The following ZNF251 variants were observed in gnomAD, a reference collection of about 807,000 sequenced individuals.
ZNF251 encodes the protein zinc finger protein 251.
A neutral mutation model predicts 13.5 loss-of-function variants in ZNF251; 14 were observed. The observed-to-expected ratio is 1.04, with a 90% CI of 0.69 to 1.63. The LOEUF (loss-of-function observed/expected upper bound fraction) is 1.63. ZNF251 is among the 40% of genes most tolerant of loss of function. The probability of loss-of-function intolerance (pLI) is 0.00; values close to 1 mark genes in which losing one functional copy is unlikely to be tolerated. For synonymous variants in ZNF251, 287 were observed against 295.2 expected (o/e 0.97, Z 0.28); for missense variants, 764 against 834.9 (o/e 0.92, Z 1.05).
intron 4 of ZNF251, among the ~76,000 whole-genome samples, chr8:144,724,540 T>C (rs1823464817): frequency 6.6e-6 from 1 of 152,054 alleles, no homozygotes; most frequent in Non-Finnish European, 1.5e-5. Flanking sequence ...AGCCAAAAAA[T>C]TGATATCTCA....
intron 2 of ZNF251, 143 bp downstream of exon 2, chr8:144,754,553 C>T (rs1824864279): frequency 1.4e-6 from 2 of 1,451,972 alleles, no homozygotes; most frequent in Admixed American, 5.7e-5. Flanking sequence ...GGCGAGTCTA[C>T]CTCTCAGAAC....
chr8:144,730,590 C>T (rs531326976), intron 4 of ZNF251, among the ~76,000 whole-genome samples: 13 of 152,068 alleles, frequency 8.5e-5, no homozygotes, highest in Non-Finnish European at 1.5e-4. Context: ...TGTGACGCTG[C>T]GACGGGGCGT....
At chr8:144,725,386 G>C (rs1478275733) in intron 4 of ZNF251, among the ~76,000 whole-genome samples, 5 of 151,820 alleles carry the variant, frequency 3.3e-5, no homozygotes, top group Non-Finnish European at 7.4e-5. Flanking sequence ...GAACTCTTGG[G>C]ATCAAGTGCT....
chr8:144,738,967 C>G (rs111831519), intron 4 of ZNF251, among the ~76,000 whole-genome samples: 4,886 of 152,194 alleles, frequency 0.032, 259 homozygotes, highest in African/African-American at 0.11. Context: ...GAGATGCACA[C>G]AGCAGCCCTC....
In ZNF251 at chr8:144,734,109, C is replaced by T. The variant is rs1823808101; in HGVS notation, c.278-10727G>A. ...TTCCGAAATCCTGACCCAGGAGGCG[C>T]CCACTCAGACCACAGTCCCTCTGTT... On this transcript the variant is annotated intron_variant, in intron 4 of 4. Transcript: ENST00000292562. This position sits in a 1 kb window ranked among gnomAD's most constrained non-coding sequence, Gnocchi z 4.4. Among the ~76,000 whole-genome samples the T allele has an allele frequency of 6.6e-6, 1 of 152,196 alleles. No individual in the cohort carries two copies. Among genetic ancestry groups the T allele is most frequent in the African/African-American group, 2.4e-5 (1 of 41,448 alleles).
chr8:144,732,768 CA>C (rs1429341245), intron 4 of ZNF251, among the ~76,000 whole-genome samples: 1 of 145,378 alleles, frequency 6.9e-6, no homozygotes, highest in Non-Finnish European at 1.5e-5. Flanking sequence ...GCCAAGATCG[CA>C]CCACTGCACT....
intron 4 of ZNF251, among the ~76,000 whole-genome samples, chr8:144,730,567 G>C (rs1007344014): frequency 6.6e-6 from 1 of 151,018 alleles, no homozygotes; most frequent in East Asian, 2.0e-4. Flanking sequence ...GCGTCCCGGG[G>C]GTGACACTGG....
intron 4 of ZNF251, among the ~76,000 whole-genome samples, chr8:144,730,889 C>CA (rs943254715): frequency 3.1e-4 from 47 of 152,256 alleles, no homozygotes; most frequent in African/African-American, 1.1e-3. Flanking sequence ...AGTTGGCTGA[C>CA]AAGATCTTAC....
chr8:144,733,672 G>A (rs968945114), intron 4 of ZNF251, among the ~76,000 whole-genome samples: 1 of 152,170 alleles, frequency 6.6e-6, no homozygotes, highest in Non-Finnish European at 1.5e-5. Context: ...AACCCAGGAA[G>A]GCAGATGCCC....
intron 4 of ZNF251, among the ~76,000 whole-genome samples, chr8:144,736,265 G>A (rs1183810862): frequency 3.9e-5 from 6 of 152,054 alleles, no homozygotes. Context: ...GGGACTTGGT[G>A]GTCCTCCAGG....
At chr8:144,732,769 A>G (rs74401356) in intron 4 of ZNF251, among the ~76,000 whole-genome samples, 8,202 of 148,436 alleles carry the variant, frequency 0.055, 259 homozygotes, top group Non-Finnish European at 0.069. Flanking sequence ...CCAAGATCGC[A>G]CCACTGCACT....
chr8:144,741,888 TC>T (rs1824180713), intron 4 of ZNF251, among the ~76,000 whole-genome samples: 2 of 152,196 alleles, frequency 1.3e-5, no homozygotes, highest in African/African-American at 4.8e-5. Context: ...ATAATTGGTA[TC>T]TCAGGAGACC....
chr8:144,751,313 T>C (rs113244550), intron 4 of ZNF251, among the ~76,000 whole-genome samples: 3 of 152,368 alleles, frequency 2.0e-5, no homozygotes, highest in African/African-American at 7.2e-5. Flanking sequence ...TACTATTTAT[T>C]TGGCCTTTTT....
At chr8:144,751,838 C>T (rs531378159) in intron 4 of ZNF251, among the ~76,000 whole-genome samples, 10 of 152,116 alleles carry the variant, frequency 6.6e-5, no homozygotes, top group Non-Finnish European at 1.0e-4. Context: ...AGTGTAAAGA[C>T]AGGTTGAAAT....
chr8:144,729,508 T>C (rs1007609442), intron 4 of ZNF251, among the ~76,000 whole-genome samples: 1 of 151,734 alleles, frequency 6.6e-6, no homozygotes, highest in Admixed American at 6.6e-5. Flanking sequence ...GGCTAATTTT[T>C]TGTATTTTTA....
chr8:144,748,710 C>T (rs188477217), intron 4 of ZNF251, among the ~76,000 whole-genome samples: 112 of 152,146 alleles, frequency 7.4e-4, no homozygotes, highest in Admixed American at 3.0e-3. Context: ...TATAGGTACA[C>T]AACACCACAC....
chr8:144,735,464 G>C (rs1008674781), intron 4 of ZNF251, among the ~76,000 whole-genome samples: 1 of 151,810 alleles, frequency 6.6e-6, no homozygotes, highest in Non-Finnish European at 1.5e-5. Flanking sequence ...AGGGCATGTA[G>C]TACCAGGTCA....
At chr8:144,744,613 A>G (rs1414729740) in intron 4 of ZNF251, among the ~76,000 whole-genome samples, 1 of 152,182 alleles carries the variant, frequency 6.6e-6, no homozygotes, top group Non-Finnish European at 1.5e-5. Flanking sequence ...TAGTGCTCTT[A>G]TAAGAAGAGA....
At chr8:144,741,883 T>G in intron 4 of ZNF251, among the ~76,000 whole-genome samples, 1 of 152,174 alleles carries the variant, frequency 6.6e-6, no homozygotes, top group East Asian at 1.9e-4. Flanking sequence ...CACTTATAAT[T>G]GGTATCTCAG....
Sources: allele counts gnomAD v4.1 joint callset (sites outside exome capture counted in the v4.1 genomes callset), GRCh38; gene constraint gnomAD v4.1.1; non-coding constraint Gnocchi (gnomAD v3.1); transcripts MANE v1.5; gene names NCBI Gene and HGNC (gene_info 2026-07-23, HGNC 2026-07-21).